The following CAPN5 variants were observed in gnomAD, a reference collection of about 807,000 sequenced individuals.
The protein encoded by CAPN5 is calpain 5, also known as calpain-5.
Under a neutral mutation model 73.0 loss-of-function variants are expected in CAPN5, and 54 were observed. That is an observed-to-expected ratio of 0.74 (90% CI 0.59 to 0.93). The LOEUF (loss-of-function observed/expected upper bound fraction) is 0.93, where lower values mean the gene tolerates loss of function less well. Ranked by LOEUF, CAPN5 falls within the 40% of genes least tolerant of loss-of-function variation. CAPN5 has a pLI of 0.00. For missense variants in CAPN5, 785 were observed against 882.9 expected, an observed-to-expected ratio of 0.89 and a Z score of 1.41; for synonymous variants, 335 against 356.9, an observed-to-expected ratio of 0.94 and a Z score of 0.69.
In CAPN5 at chr11:77,109,711, G is replaced by A. The variant is rs558664528; in HGVS notation, c.298-2878G>A. 9.6e-4 allele frequency among the ~76,000 whole-genome samples: 146 copies of A among 152,328 alleles called. 1 individual carries two copies. The highest frequency in any genetic ancestry group is 3.2e-3 in the African/African-American group (134 of 41,582). On this transcript the variant is annotated intron_variant, in intron 3 of 12. Coordinates refer to ENST00000648180, the MANE Select transcript of CAPN5 (RefSeq NM_004055.5). ...GCTGACAGCAGAGCAGCTGAGGGGTGAGAAGGCTGGCTTGGGGCCCACCCC... is the reference window on the plus strand; with the variant it reads ...GCTGACAGCAGAGCAGCTGAGGGGTAAGAAGGCTGGCTTGGGGCCCACCCC...
chr11:77,086,378 C>T (rs192203330), intron 2 of CAPN5, among the ~76,000 whole-genome samples: 43 of 152,236 alleles, frequency 2.8e-4, no homozygotes, highest in South Asian at 8.3e-4. Context: ...GAGGAAGGTG[C>T]GTGTCCTAGA....
At chr11:77,067,358 C>T (rs1300172544) in intron 1 of CAPN5, among the ~76,000 whole-genome samples, 1 of 147,912 alleles carries the variant, frequency 6.8e-6, no homozygotes, top group Non-Finnish European at 1.5e-5. Flanking sequence ...CTCTGGGTGT[C>T]TCCGAGTCGT....
At chr11:77,091,795 T>C (rs763811754) in intron 2 of CAPN5, among the ~76,000 whole-genome samples, 9 of 152,202 alleles carry the variant, frequency 5.9e-5, no homozygotes, top group Non-Finnish European at 1.2e-4. Flanking sequence ...TGGTTGCATC[T>C]CTTGGTGCTG....
rs374843302 is a variant in CAPN5, at chr11:77,119,084, C to T, written c.1222C>T (p.Arg408Trp). Residue 408 changes from arginine (R) to tryptophan (W), a missense_variant, in exon 9 of 13, where the codon CGG (arginine) becomes TGG (tryptophan). Arg to Trp is a moderately radical substitution (Grantham distance 101). Transcript: ENST00000648180. ...EDEVLICIQQRPKRSTRREGK... is the reference protein window; with the variant it reads ...EDEVLICIQQWPKRSTRREGK... ...TGAAGTCCTGATCTGCATCCAGCAG[C>T]GGCCAAAGCGGTCTACGCGCCGGGA... The T allele has an allele frequency of 7.6e-5, 123 of 1,614,048 alleles. No individual in the cohort carries two copies. The highest frequency in any genetic ancestry group is 7.1e-4 in the African/African-American group (53 of 75,080).
chr11:77,121,842 T>C (rs1052194943), intron 10 of CAPN5, 92 bp from the exon 11 acceptor site: 2 of 651,844 alleles, frequency 3.1e-6, no homozygotes, highest in Non-Finnish European at 2.6e-6. Flanking sequence ...AAATACTGCT[T>C]CTCTTCCCTT....
intron 1 of CAPN5, among the ~76,000 whole-genome samples, chr11:77,078,564 T>C (rs1006136247): frequency 2.6e-5 from 4 of 152,186 alleles, no homozygotes; most frequent in East Asian, 1.9e-4. Context: ...TGTGATTCTG[T>C]ATGAATTTTA....
chr11:77,115,649 G>A, intron 6 of CAPN5, 61 bp downstream of exon 6: 1 of 1,417,842 alleles, frequency 7.1e-7, no homozygotes, highest in Non-Finnish European at 9.7e-7. Flanking sequence ...GGACGGGTGG[G>A]CTTCTTGGAG....
intron 2 of CAPN5, among the ~76,000 whole-genome samples, chr11:77,090,290 C>A (rs1245263574): frequency 6.6e-6 from 1 of 152,192 alleles, no homozygotes; most frequent in Non-Finnish European, 1.5e-5. Context: ...CCAGGCTGCA[C>A]GATTGCCCCC....
intron 3 of CAPN5, among the ~76,000 whole-genome samples, chr11:77,111,854 C>T (rs781797687): frequency 4.6e-5 from 7 of 151,876 alleles, no homozygotes; most frequent in Non-Finnish European, 1.0e-4. Flanking sequence ...AGGGAGGCTT[C>T]CTGGAGAAAG....
intron 2 of CAPN5, among the ~76,000 whole-genome samples, chr11:77,085,343 T>G (rs1555035309): frequency 6.6e-6 from 1 of 152,180 alleles, no homozygotes; most frequent in Non-Finnish European, 1.5e-5. Context: ...TGAGGGTCAT[T>G]TTTGGAATAA....
At chr11:77,072,646 A>G (rs888828509) in intron 1 of CAPN5, among the ~76,000 whole-genome samples, 2 of 152,184 alleles carry the variant, frequency 1.3e-5, no homozygotes, top group Non-Finnish European at 2.9e-5. Flanking sequence ...CATTTGTGTA[A>G]TGAGAACAGC....
At chr11:77,071,218 T>C (rs2135403916) in intron 1 of CAPN5, among the ~76,000 whole-genome samples, 1 of 152,134 alleles carries the variant, frequency 6.6e-6, no homozygotes, top group South Asian at 2.1e-4. Context: ...CTGTCTCCCC[T>C]CCAGCCTGGG....
At chr11:77,090,718 T>C (rs1950139795) in intron 2 of CAPN5, among the ~76,000 whole-genome samples, 1 of 152,176 alleles carries the variant, frequency 6.6e-6, no homozygotes, top group Non-Finnish European at 1.5e-5. Context: ...TTCCATGGCA[T>C]GATGTGGCTG....
intron 1 of CAPN5, among the ~76,000 whole-genome samples, chr11:77,084,117 GC>G (rs1303388037): frequency 6.6e-6 from 1 of 152,190 alleles, no homozygotes; most frequent in Non-Finnish European, 1.5e-5. Flanking sequence ...GGCCCTGCCA[GC>G]CGCTGTTCCT....
rs782533644 is a variant in CAPN5 at position 77,120,763 on chromosome 11, C to T, written c.1341C>T (p.Ala447=). The T allele has an allele frequency of 1.9e-6, 3 of 1,613,818 alleles. No homozygotes were observed. Among genetic ancestry groups the T allele is most frequent in the South Asian group, 2.2e-5 (2 of 91,056 alleles). ...TGCACAGCCTGCAGCACAAGGCCGC[C>T]AGCTCCATCTACATCAACTCACGCA... ...YRMHSLQHKA[A]SSIYINSRSV... is the part of the protein sequence containing the mutation. The change falls in exon 10 of 13, where the codon GCC becomes GCT. Residue 447 remains alanine (A), a synonymous_variant. Coordinates refer to ENST00000648180, the MANE Select transcript of CAPN5 (RefSeq NM_004055.5).
chr11:77,119,182 T>C, intron 9 of CAPN5, 30 bp downstream of exon 9: 2 of 1,589,986 alleles, frequency 1.3e-6, no homozygotes, highest in Non-Finnish European at 1.7e-6. Context: ...CTGCCGTGGG[T>C]GGGGAGAGGG....
At chr11:77,086,883 G>A (rs374407019) in intron 2 of CAPN5, among the ~76,000 whole-genome samples, 5 of 152,232 alleles carry the variant, frequency 3.3e-5, no homozygotes, top group East Asian at 3.9e-4. Flanking sequence ...GTACTCTCCT[G>A]CTGCGTGACC....
chr11:77,091,083 A>T (rs1565262862), intron 2 of CAPN5, among the ~76,000 whole-genome samples: 1 of 152,156 alleles, frequency 6.6e-6, no homozygotes. Flanking sequence ...CCCTTGGGGG[A>T]ATTCTAGCCC....
intron 3 of CAPN5, 70 bp from the exon 4 acceptor site, chr11:77,112,519 C>T: frequency 8.3e-7 from 1 of 1,210,580 alleles, no homozygotes; most frequent in African/African-American, 1.5e-5. Context: ...AGCACACGCC[C>T]CCATTTCCTC....
Sources: allele counts gnomAD v4.1 joint callset (sites outside exome capture counted in the v4.1 genomes callset), GRCh38; gene constraint gnomAD v4.1.1; transcripts MANE v1.5; gene names NCBI Gene and HGNC (gene_info 2026-07-23, HGNC 2026-07-21).